AGBL1: variants seen among roughly 807,000 people sequenced by gnomAD.
AGBL1 encodes the protein cytosolic carboxypeptidase 4.
Under a neutral mutation model 118.9 loss-of-function variants are expected in AGBL1, and 130 were observed. That is an observed-to-expected ratio of 1.09 (90% confidence interval 0.95 to 1.26). The LOEUF (loss-of-function observed/expected upper bound fraction) is 1.26. AGBL1 is among the 50% of genes most tolerant of loss of function. The probability of loss-of-function intolerance (pLI) is 0.00; values close to 1 mark genes in which losing one functional copy is unlikely to be tolerated. For synonymous variants in AGBL1, 555 were observed against 478.9 expected (o/e 1.16, Z -2.08); for missense variants, 1,584 against 1,298.1 (o/e 1.22, Z -3.38).
chr15:86,087,965 A>G (rs1895774103), intron 1 of AGBL1: 1 of 152,346 alleles, frequency 6.6e-6, no homozygotes, highest in Non-Finnish European at 1.5e-5. Context: ...AGGGTGCAGA[A>G]CAGGTGCCCA....
At chr15:86,654,924 T>G (rs2085438885) in intron 21 of AGBL1, among the ~76,000 whole-genome samples, 1 of 152,086 alleles carries the variant, frequency 6.6e-6, no homozygotes, top group Non-Finnish European at 1.5e-5. Context: ...TCAGTAGGGT[T>G]ATGCTCTTTT....
At chr15:86,879,849 C>T (rs2079866268) in intron 22 of AGBL1, among the ~76,000 whole-genome samples, 1 of 152,118 alleles carries the variant, frequency 6.6e-6, no homozygotes, top group Non-Finnish European at 1.5e-5. Context: ...TCTTTTGCCA[C>T]CATAGGGGAT....
chr15:86,597,954 G>C (rs143260618), intron 21 of AGBL1, among the ~76,000 whole-genome samples: 1,562 of 152,216 alleles, frequency 0.01, 11 homozygotes, highest in Middle Eastern at 0.017. Context: ...ATTGTTGATA[G>C]TCCTGATCAT....
At chr15:86,920,590 C>T (rs1567240890), downstream of AGBL1, among the ~76,000 whole-genome samples, 1 of 152,098 alleles carries the variant, frequency 6.6e-6, no homozygotes, top group Non-Finnish European at 1.5e-5. Context: ...GTAATATTAT[C>T]AAGGGTTATG....
Position 86,863,386 on chromosome 15 carries a change from G to T in AGBL1, c.3159-43701G>T, listed in dbSNP as rs559185277. The stretch of plus-strand genomic sequence containing the variant: ...GATTAGAGCTTTCAGCATTCACACC[G>T]TGTGAGCAGCTGCAACTGTGACTCA... On this transcript the variant is annotated intron_variant, in intron 22 of 22. Coordinates refer to ENST00000614907, the MANE Select transcript of AGBL1 (RefSeq NM_001386094.1). 2.0e-3 allele frequency among the ~76,000 whole-genome samples: 306 copies of T among 152,234 alleles called. 1 individual carries two copies. Among genetic ancestry groups the T allele is most frequent in the Non-Finnish European group, 3.6e-3 (242 of 68,022 alleles).
intron 22 of AGBL1, among the ~76,000 whole-genome samples, chr15:86,803,829 G>A (rs1324916472): frequency 6.6e-6 from 1 of 152,126 alleles, no homozygotes; most frequent in African/African-American, 2.4e-5. Context: ...TTGGGGCAGG[G>A]GTGGAGGATG....
intron 5 of AGBL1, among the ~76,000 whole-genome samples, chr15:86,184,013 C>T (rs960705977): frequency 7.2e-5 from 11 of 152,148 alleles, no homozygotes; most frequent in Admixed American, 1.3e-4. Context: ...TGTTACAGCT[C>T]CAGTTTGCCA....
chr15:86,583,628 C>G (rs1188008356), intron 21 of AGBL1, among the ~76,000 whole-genome samples: 1 of 152,086 alleles, frequency 6.6e-6, no homozygotes, highest in Admixed American at 6.6e-5. Flanking sequence ...GTGAATCGTG[C>G]TACAGTGAAT....
At chr15:86,818,205 C>T (rs1399672849) in intron 22 of AGBL1, among the ~76,000 whole-genome samples, 1 of 152,096 alleles carries the variant, frequency 6.6e-6, no homozygotes, top group Non-Finnish European at 1.5e-5. Context: ...ACATTTAACA[C>T]ATTTCTGTTG....
intron 1 of AGBL1, among the ~76,000 whole-genome samples, chr15:86,120,496 A>G (rs1005431540): frequency 6.6e-6 from 1 of 152,230 alleles, no homozygotes; most frequent in African/African-American, 2.4e-5. Flanking sequence ...TTGTGATGGT[A>G]GATGTGCCCT....
chr15:86,151,594 C>A (rs2077112177), intron 3 of AGBL1, among the ~76,000 whole-genome samples: 1 of 152,156 alleles, frequency 6.6e-6, no homozygotes, highest in African/African-American at 2.4e-5. Context: ...AAACTGGAAA[C>A]ATTCCCTTTG....
intron 18 of AGBL1, among the ~76,000 whole-genome samples, chr15:86,488,841 T>G (rs2082743169): frequency 6.6e-6 from 1 of 152,102 alleles, no homozygotes; most frequent in South Asian, 2.1e-4. Flanking sequence ...CAGAAGGAAT[T>G]TCCCTATAGT....
chr15:86,254,420 T>C (rs1284320872), intron 7 of AGBL1, among the ~76,000 whole-genome samples: 6 of 152,258 alleles, frequency 3.9e-5, no homozygotes, highest in Non-Finnish European at 7.3e-5. Context: ...ACTCATGTAG[T>C]CTGGCTCCAG....
At chr15:86,314,822 A>G (rs572445882) in intron 17 of AGBL1, among the ~76,000 whole-genome samples, 1 of 152,312 alleles carries the variant, frequency 6.6e-6, no homozygotes, top group South Asian at 2.1e-4. Context: ...TGAATTCCAT[A>G]AAAAGCCATG....
intron 22 of AGBL1, among the ~76,000 whole-genome samples, chr15:86,721,732 G>A (rs1469162312): frequency 1.3e-5 from 2 of 152,182 alleles, no homozygotes; most frequent in Non-Finnish European, 2.9e-5. Context: ...GTTTGCAGAT[G>A]ACATGATTGT....
At chr15:86,388,802 C>G (rs752210702) in intron 17 of AGBL1, among the ~76,000 whole-genome samples, 4 of 152,142 alleles carry the variant, frequency 2.6e-5, no homozygotes, top group Admixed American at 2.6e-4. Flanking sequence ...AGTGATAATT[C>G]CTGCCTTGCC....
At chr15:86,986,234 T>C (rs924815338) in intron 23 of AGBL1, among the ~76,000 whole-genome samples, 1 of 152,220 alleles carries the variant, frequency 6.6e-6, no homozygotes, top group African/African-American at 2.4e-5. Context: ...AGGATATCAA[T>C]TGTTAGAGTA....
At chr15:86,825,433 C>T (rs1318921108) in intron 22 of AGBL1, among the ~76,000 whole-genome samples, 3 of 70,768 alleles carry the variant, frequency 4.2e-5, no homozygotes, top group Non-Finnish European at 8.9e-5. Context: ...AGGTTGCAAG[C>T]CAGATATCTG....
intron 22 of AGBL1, among the ~76,000 whole-genome samples, chr15:86,678,584 A>G (rs923909720): frequency 1.3e-5 from 2 of 152,004 alleles, no homozygotes; most frequent in Non-Finnish European, 2.9e-5. Flanking sequence ...TTTTCCCCAA[A>G]TTGTCATTTA....
Sources: gnomAD v4.1 joint callset for allele counts (sites outside exome capture counted in the v4.1 genomes callset) on GRCh38, gnomAD v4.1.1 for gene constraint, MANE v1.5 for transcripts, NCBI Gene and HGNC (gene_info 2026-07-23, HGNC 2026-07-21) for gene names.